Variants in VWA2 observed in about 807,000 individuals in gnomAD.
VWA2 encodes von Willebrand factor A domain-containing protein 2.
VWA2 carries 73 observed loss-of-function variants against 70.4 expected under a neutral mutation model. The ratio of observed to expected loss-of-function variants is 1.04; its 90% confidence interval spans 0.86 to 1.26. VWA2 has a LOEUF of 1.26. Among genes scored for constraint, VWA2 ranks in the 50% most tolerant of loss-of-function variants. The pLI is 0.00. For missense variants in VWA2, 1,011 were observed against 998.5 expected (o/e 1.01, Z -0.17); for synonymous variants, 407 against 423.3 (o/e 0.96, Z 0.47).
chr10:114,261,152 C>T, intron 4 of VWA2, 34 bp from the exon 5 acceptor site: 4 of 1,520,060 alleles, frequency 2.6e-6, no homozygotes, highest in Non-Finnish European at 3.6e-6. Flanking sequence ...TGACTCCAGT[C>T]TCGGGGCCCT....
intron 11 of VWA2, among the ~76,000 whole-genome samples, chr10:114,286,943 T>C (rs1246070723): frequency 1.3e-5 from 2 of 152,174 alleles, no homozygotes; most frequent in African/African-American, 4.8e-5. Context: ...TATGCACACA[T>C]ACACACACGG....
chr10:114,277,168 C>CTTT lies in VWA2; in HGVS notation c.567-718_567-716dup, dbSNP rs780326649. 3.3e-3 allele frequency among the ~76,000 whole-genome samples: 199 copies of CTTT among 61,214 alleles called. 54 individuals are homozygous for CTTT. Among genetic ancestry groups the CTTT allele is most frequent in the African/African-American group, 0.01 (147 of 14,488 alleles). The allele number at this position is 61,214 out of a possible 152,430, so 40.2% of individuals were successfully genotyped here. ...TCTAGATACATTACTGACTGCACGT[C>CTTT]TTTTTTTTTTTTTTTTTTTTTTTTT... On this transcript the variant is annotated intron_variant, in intron 6 of 13. Coordinates refer to ENST00000392982, the MANE Select transcript of VWA2 (RefSeq NM_001272046.2).
rs1299208803 is a variant in VWA2, at chr10:114,289,044, C to T, written c.1677C>T (p.Leu559=). 1 of 1,614,180 alleles carries T rather than the reference C, an allele frequency of 6.2e-7. No individual in the cohort carries two copies. Among genetic ancestry groups the T allele is most frequent in the South Asian group, 1.1e-5 (1 of 91,080 alleles). Residue 559 remains leucine (L), a synonymous_variant, in exon 12 of 14, where the codon CTC becomes CTT. Transcript: ENST00000392982. The stretch of plus-strand genomic sequence containing the variant: ...AGAGCTTTGTGAGAAGCTGTGCCCT[C>T]CAGTTTGAGGTGAACCCTGACGTGA... ...QMQSFVRSCA[L]QFEVNPDVTQ...
intron 1 of VWA2, among the ~76,000 whole-genome samples, chr10:114,248,392 C>T (rs2037119985): frequency 1.3e-5 from 2 of 152,166 alleles, no homozygotes; most frequent in South Asian, 4.1e-4. Flanking sequence ...AGCCAACACC[C>T]GGGCCTCTTA....
chr10:114,272,377 G>A (rs150344993), intron 5 of VWA2, among the ~76,000 whole-genome samples: 2 of 152,136 alleles, frequency 1.3e-5, no homozygotes, highest in Admixed American at 1.3e-4. Flanking sequence ...CCCAACCCAG[G>A]ATGTTGAGCT....
intron 2 of VWA2, among the ~76,000 whole-genome samples, chr10:114,251,199 G>A (rs1340566182): frequency 1.3e-5 from 2 of 152,266 alleles, no homozygotes; most frequent in South Asian, 2.1e-4. Flanking sequence ...CGGAGCCCAG[G>A]CAGCTGGTCT....
Position 114,292,642 on chromosome 10 carries a change from T to C in VWA2, c.*1405T>C, listed in dbSNP as rs1437269243. Among the ~76,000 whole-genome samples the C allele has an allele frequency of 3.3e-5, 5 of 151,448 alleles. No individual in the cohort carries two copies. The highest frequency in any genetic ancestry group is 7.4e-5 in the Non-Finnish European group (5 of 67,970). On this transcript the variant is annotated 3_prime_UTR_variant, in exon 14 of 14. Transcript: ENST00000392982. ...GAATTACTTCTTCTCCTTGGTTGTG[T>C]TGTTTAGAGTTGGATTTTCTGTAGA...
chr10:114,290,982 C>T (rs1439686151), intron 13 of VWA2, among the ~76,000 whole-genome samples: 1 of 152,156 alleles, frequency 6.6e-6, no homozygotes, highest in Non-Finnish European at 1.5e-5. Flanking sequence ...AGCCAGAAAT[C>T]AGAAGACAAG....
At chr10:114,265,791 T>A (rs994888881) in intron 5 of VWA2, among the ~76,000 whole-genome samples, 20 of 152,172 alleles carry the variant, frequency 1.3e-4, no homozygotes, top group African/African-American at 4.8e-4. Flanking sequence ...TGGGGCTGTG[T>A]ATGATTAGCA....
rs2039587365 is a variant in VWA2 at position 114,291,399 on chromosome 10, G to A, written c.*162G>A. 6.4e-6 allele frequency: 5 copies of A among 785,858 alleles called. No individual in the cohort carries two copies. The highest frequency in any genetic ancestry group is 9.7e-6 in the Non-Finnish European group (5 of 515,836). The allele number at this position is 785,858 out of a possible 1,614,324, so 48.7% of individuals were successfully genotyped here. A position where few individuals can be genotyped will look rare whatever the true frequency, so the allele number is the denominator to read the frequency against. On this transcript the variant is annotated 3_prime_UTR_variant, in exon 14 of 14. Coordinates refer to ENST00000392982, the MANE Select transcript of VWA2 (RefSeq NM_001272046.2). ...GCCAGGACCACTATTCTCACTGAGGGAGGAGGATGTCCCAACTGCAGCCAT... is the reference window on the plus strand; with the variant it reads ...GCCAGGACCACTATTCTCACTGAGGAAGGAGGATGTCCCAACTGCAGCCAT...
At chr10:114,274,962 G>T (rs1264481058) in intron 6 of VWA2, among the ~76,000 whole-genome samples, 1 of 152,192 alleles carries the variant, frequency 6.6e-6, no homozygotes, top group African/African-American at 2.4e-5. Flanking sequence ...GGGACATTGT[G>T]TTCTGTTTCA....
intron 11 of VWA2, among the ~76,000 whole-genome samples, chr10:114,287,185 CT>C (rs920019007): frequency 6.6e-6 from 1 of 152,042 alleles, no homozygotes; most frequent in Non-Finnish European, 1.5e-5. Flanking sequence ...TGAAACACGT[CT>C]TTTTTTTCTT....
intron 1 of VWA2, among the ~76,000 whole-genome samples, chr10:114,247,486 ACAC>A (rs2037096500): frequency 1.3e-5 from 2 of 152,052 alleles, no homozygotes; most frequent in African/African-American, 2.4e-5. Flanking sequence ...TTCAGTAGAG[ACAC>A]TGTTTCACCG....
At chr10:114,262,957 C>T (rs2037477609) in intron 5 of VWA2, among the ~76,000 whole-genome samples, 1 of 152,188 alleles carries the variant, frequency 6.6e-6, no homozygotes, top group Admixed American at 6.5e-5. Context: ...CTAAGACACA[C>T]AGTGCAGGGG....
intron 9 of VWA2, 34 bp from the exon 10 acceptor site, chr10:114,284,829 G>C (rs750369409): frequency 6.4e-7 from 1 of 1,571,348 alleles, no homozygotes; most frequent in African/African-American, 1.4e-5. Flanking sequence ...TCTGTGCTGC[G>C]GTGCTTAGCG....
In VWA2 at chr10:114,277,995, C is replaced by T. The variant is rs372110914; in HGVS notation, c.648C>T (p.Asn216=). The T allele has an allele frequency of 3.0e-5, 48 of 1,613,304 alleles. No homozygotes were observed. The highest frequency in any genetic ancestry group is 1.9e-4 in the African/African-American group (14 of 74,924). The change falls in exon 7 of 14, where the codon AAC becomes AAT. Residue 216 remains asparagine (N), a synonymous_variant. Transcript: ENST00000392982. ...CTGAGCAGGTGGAGGATGCCACCAA[C>T]GGCCTCTTCAGCACCCTCAGCAGCT... ...LLAEQVEDAT[N]GLFSTLSSSA...
intron 7 of VWA2, 123 bp downstream of exon 7, chr10:114,278,170 C>T (rs1165778025): frequency 1.8e-5 from 25 of 1,355,180 alleles, no homozygotes; most frequent in East Asian, 1.7e-4. Flanking sequence ...AAACAGAGAC[C>T]GGCAGCCTCC....
intron 1 of VWA2, among the ~76,000 whole-genome samples, chr10:114,244,227 G>C (rs565057719): frequency 3.3e-5 from 5 of 152,294 alleles, no homozygotes; most frequent in Non-Finnish European, 5.9e-5. Flanking sequence ...ATTCAGGGTG[G>C]CAGATTTTTT....
intron 1 of VWA2, among the ~76,000 whole-genome samples, chr10:114,247,740 A>G (rs941047320): frequency 1.1e-4 from 16 of 151,992 alleles, no homozygotes; most frequent in South Asian, 2.1e-4. Flanking sequence ...CAGGAGTCCA[A>G]TGGGACTTTT....
Sources: gnomAD v4.1 joint callset for allele counts (sites outside exome capture counted in the v4.1 genomes callset) on GRCh38, gnomAD v4.1.1 for gene constraint, MANE v1.5 for transcripts, NCBI Gene and HGNC (gene_info 2026-07-23, HGNC 2026-07-21) for gene names.